The following ARHGEF28 variants were observed in gnomAD, a reference collection of about 807,000 sequenced individuals.
ARHGEF28 encodes the protein 190 kDa guanine nucleotide exchange factor.
In ARHGEF28, 152 loss-of-function variants were observed where a neutral mutation model predicts 206.6. The observed-to-expected ratio is 0.74, with a 90% CI of 0.64 to 0.84. ARHGEF28 has a LOEUF of 0.84. Ranked by LOEUF, ARHGEF28 falls within the 40% of genes least tolerant of loss-of-function variation. The pLI is 0.00. For missense variants in ARHGEF28, 2,028 were observed against 2,073.2 expected (o/e 0.98, Z 0.42); for synonymous variants, 763 against 776.4 (o/e 0.98, Z 0.29).
chr5:73,858,270 A>C (rs1281542675), intron 16 of ARHGEF28, 51 bp downstream of exon 16: 1 of 1,522,152 alleles, frequency 6.6e-7, no homozygotes, highest in Non-Finnish European at 8.8e-7. Context: ...TCCTGACAGT[A>C]ACCTTGGGAA....
At chr5:73,930,391 T>G (rs918693771) in intron 35 of ARHGEF28, among the ~76,000 whole-genome samples, 2 of 152,244 alleles carry the variant, frequency 1.3e-5, no homozygotes, top group Non-Finnish European at 2.9e-5. Context: ...GGTTCCTCCT[T>G]CTGTGAATTT....
At chr5:73,645,969 C>G (rs760196216) in intron 1 of ARHGEF28, among the ~76,000 whole-genome samples, 20 of 152,040 alleles carry the variant, frequency 1.3e-4, no homozygotes, top group Non-Finnish European at 2.5e-4. Context: ...TGGTACCATA[C>G]TTAAGCACTG....
intron 1 of ARHGEF28, among the ~76,000 whole-genome samples, chr5:73,640,090 C>T (rs1210705679): frequency 6.6e-6 from 1 of 152,118 alleles, no homozygotes; most frequent in East Asian, 1.9e-4. Flanking sequence ...AATGTTGTGA[C>T]CACTAGAATA....
At chr5:73,939,564 C>A (rs1212660838) in intron 35 of ARHGEF28, among the ~76,000 whole-genome samples, 1 of 152,212 alleles carries the variant, frequency 6.6e-6, no homozygotes, top group African/African-American at 2.4e-5. Context: ...TGCAGCTCCT[C>A]CAGGGACCTT....
intron 35 of ARHGEF28, among the ~76,000 whole-genome samples, chr5:73,939,569 G>A (rs1278384113): frequency 6.6e-6 from 1 of 152,162 alleles, no homozygotes; most frequent in Non-Finnish European, 1.5e-5. Flanking sequence ...CTCCTCCAGG[G>A]ACCTTCATCG....
At chr5:73,757,261 G>A (rs1171157994) in intron 4 of ARHGEF28, among the ~76,000 whole-genome samples, 3 of 151,462 alleles carry the variant, frequency 2.0e-5, no homozygotes, top group Admixed American at 2.0e-4. Context: ...AGTGGCAGTG[G>A]CATCACAGGT....
chr5:73,817,143 C>A (rs1034519191), intron 9 of ARHGEF28, among the ~76,000 whole-genome samples: 6 of 152,108 alleles, frequency 3.9e-5, no homozygotes, highest in African/African-American at 1.4e-4. Context: ...AATGTTTATT[C>A]CTTTATGCCT....
chr5:73,655,876 G>A (rs1198512353), intron 1 of ARHGEF28, among the ~76,000 whole-genome samples: 1 of 152,208 alleles, frequency 6.6e-6, no homozygotes, highest in Admixed American at 6.5e-5. Flanking sequence ...CTGTAAAAGG[G>A]AAGAGTTTGG....
chr5:73,886,988 G>A lies in ARHGEF28; in HGVS notation c.3311-615G>A, dbSNP rs183899283. ...GGAGGATGATCAAGTTTGGATGGAG[G>A]TTGCAACTAATATCTGAAATGGGAT... On this transcript the variant is annotated intron_variant, in intron 25 of 35. Transcript: ENST00000513042. Among the ~76,000 whole-genome samples the A allele has an allele frequency of 1.6e-3, 237 of 152,296 alleles. 1 individual carries two copies. The highest frequency in any genetic ancestry group is 1.2e-3 in the Non-Finnish European group (85 of 68,020).
rs986100874 is a variant in ARHGEF28, at chr5:73,832,389, C to T, written c.1076C>T (p.Ala359Val). 3.7e-6 allele frequency: 6 copies of T among 1,612,378 alleles called. No homozygotes were observed. Among genetic ancestry groups the T allele is most frequent in the African/African-American group, 2.7e-5 (2 of 74,908 alleles). The change falls in exon 10 of 36, where the codon GCT (alanine) becomes GTT (valine). Residue 359 changes from alanine (A) to valine (V), a missense_variant. Physicochemically the swap from Ala to Val is moderately conservative, Grantham distance 64 (BLOSUM62 0). Transcript: ENST00000513042. ...KKSKPPSTLL[A>V]AGRLSDMLNG... ...TCCAAGCCGCCCTCGACATTGCTTG[C>T]TGCAGGCCGGCTTTCAGACATGCTG...
chr5:73,673,422 C>T (rs189737340), intron 1 of ARHGEF28, among the ~76,000 whole-genome samples: 212 of 152,252 alleles, frequency 1.4e-3, no homozygotes, highest in Middle Eastern at 3.4e-3. Context: ...GACCATTCAG[C>T]TCTATAAAAT....
At chr5:73,699,167 A>G (rs1173039649) in intron 2 of ARHGEF28, among the ~76,000 whole-genome samples, 5 of 149,020 alleles carry the variant, frequency 3.4e-5, no homozygotes, top group South Asian at 2.1e-4. Flanking sequence ...GTGTGTGTGT[A>G]TGTGTGTGTG....
chr5:73,837,830 C>T (rs1757753731), intron 10 of ARHGEF28, among the ~76,000 whole-genome samples: 2 of 151,706 alleles, frequency 1.3e-5, no homozygotes, highest in Admixed American at 6.6e-5. Flanking sequence ...CAATCTCCAC[C>T]CCCCAGGCTC....
intron 12 of ARHGEF28, among the ~76,000 whole-genome samples, chr5:73,848,631 A>G (rs1485068177): frequency 6.6e-6 from 1 of 152,188 alleles, no homozygotes; most frequent in Non-Finnish European, 1.5e-5. Context: ...AAATAACAAA[A>G]TAACTGACAC....
intron 12 of ARHGEF28, among the ~76,000 whole-genome samples, chr5:73,846,703 A>G (rs1001677649): frequency 6.6e-6 from 1 of 152,180 alleles, no homozygotes; most frequent in African/African-American, 2.4e-5. Flanking sequence ...TTAATTCACC[A>G]TGAGTACATA....
Position 73,849,017 on chromosome 5 carries a change from C to G in ARHGEF28, c.1677C>G (p.Cys559Trp). 1.9e-6 allele frequency: 3 copies of G among 1,580,020 alleles called. No homozygotes were observed. Among genetic ancestry groups the G allele is most frequent in the Non-Finnish European group, 2.6e-6 (3 of 1,160,816 alleles). The change falls in exon 13 of 36, where the codon TGC becomes TGG. Residue 559 changes from cysteine (C) to tryptophan (W), a missense_variant. Coordinates refer to ENST00000513042, the MANE Select transcript of ARHGEF28 (RefSeq NM_001177693.2). The part of the protein sequence containing the change: ...LSGVRSRSYS[C>W]SSPKISLGKT... ...GAGTTCGCTCACGTTCTTATTCTTG[C>G]TCATCACCCAAAATTTCTTTAGGAA...
intron 21 of ARHGEF28, 83 bp from the exon 22 acceptor site, chr5:73,872,916 A>G: frequency 6.9e-7 from 1 of 1,452,270 alleles, no homozygotes; most frequent in Non-Finnish European, 9.4e-7. Flanking sequence ...CGTAACATAT[A>G]GTGTTGAGTT....
At chr5:73,635,066 G>A (rs865915150) in intron 1 of ARHGEF28, among the ~76,000 whole-genome samples, 5 of 152,130 alleles carry the variant, frequency 3.3e-5, no homozygotes, top group Admixed American at 1.3e-4. Flanking sequence ...TTCATGGGCC[G>A]GGTGCAGTGG....
At chr5:73,828,897 T>G (rs2112553686) in intron 9 of ARHGEF28, among the ~76,000 whole-genome samples, 1 of 152,254 alleles carries the variant, frequency 6.6e-6, no homozygotes, top group East Asian at 1.9e-4. Context: ...CACAGCTCAC[T>G]GCAGCCTCCA....
Sources: gnomAD v4.1 joint callset for allele counts (sites outside exome capture counted in the v4.1 genomes callset) on GRCh38, gnomAD v4.1.1 for gene constraint, MANE v1.5 for transcripts, NCBI Gene and HGNC (gene_info 2026-07-23, HGNC 2026-07-21) for gene names.